EIF4ENIF1: variants seen among roughly 807,000 people sequenced by gnomAD.
EIF4ENIF1 encodes the protein eukaryotic translation initiation factor 4E nuclear import factor 1.
In EIF4ENIF1, 23 loss-of-function variants were observed where a neutral mutation model predicts 110.5. The observed-to-expected ratio is 0.21, with a 90% CI of 0.15 to 0.29. EIF4ENIF1 has a LOEUF of 0.29. EIF4ENIF1 is among the 10% of genes least tolerant of loss of function. EIF4ENIF1 has a pLI of 1.00. For synonymous variants in EIF4ENIF1, 440 were observed against 437.0 expected, an observed-to-expected ratio of 1.01 and a Z score of -0.09; for missense variants, 1,031 against 1,221.1, an observed-to-expected ratio of 0.84 and a Z score of 2.32.
intron 6 of EIF4ENIF1, among the ~76,000 whole-genome samples, chr22:31,461,354 A>G (rs1601601099): frequency 6.6e-6 from 1 of 152,310 alleles, no homozygotes; most frequent in South Asian, 2.1e-4. Context: ...CCCACTCTGC[A>G]GCAGGTACTT....
At chr22:31,464,702 AT>A (rs1569088778) in intron 4 of EIF4ENIF1, among the ~76,000 whole-genome samples, 91 of 77,632 alleles carry the variant, frequency 1.2e-3, no homozygotes, top group African/African-American at 4.1e-3. Context: ...AAAAAAAAAT[AT>A]ATATATATAT....
chr22:31,439,981 C>T lies in EIF4ENIF1; in HGVS notation c.2857G>A (p.Val953Met). The change falls in exon 19 of 19, where the codon GTG becomes ATG. Residue 953 changes from valine (V) to methionine (M), a missense_variant. By Grantham distance (21) the Val-to-Met change is conservative (BLOSUM62 1). Coordinates refer to ENST00000330125, the MANE Select transcript of EIF4ENIF1 (RefSeq NM_019843.4). ...HRPSQRSSSPVGLAKWFGSDV... is the reference protein window; with the variant it reads ...HRPSQRSSSPMGLAKWFGSDV... ...GAGCCAAACCATTTGGCAAGGCCCA[C>T]AGGGGAGCTGCTCCTCTGGCTGGGG... The T allele has an allele frequency of 1.2e-6, 2 of 1,614,058 alleles. No homozygotes were observed. Among genetic ancestry groups the T allele is most frequent in the South Asian group, 2.2e-5 (2 of 91,054 alleles).
At chr22:31,450,844 T>TAC (rs372740127) in intron 10 of EIF4ENIF1, 6,823 of 120,770 alleles carry the variant, frequency 0.056, 186 homozygotes, top group East Asian at 0.093. Flanking sequence ...ATATATATAC[T>TAC]ACACACACAC....
chr22:31,459,113 A>G (rs924191372), intron 6 of EIF4ENIF1, among the ~76,000 whole-genome samples: 1 of 151,982 alleles, frequency 6.6e-6, no homozygotes, highest in African/African-American at 2.4e-5. Context: ...TTTTTTGTAG[A>G]GACTGAGTCT....
downstream of EIF4ENIF1, among the ~76,000 whole-genome samples, chr22:31,438,622 C>CTA (rs1337568525): frequency 6.6e-6 from 1 of 152,130 alleles, no homozygotes; most frequent in Non-Finnish European, 1.5e-5. Context: ...CAAGGCTATG[C>CTA]TATCTATAGG....
chr22:31,447,715 T>A, intron 13 of EIF4ENIF1, 150 bp from the exon 14 acceptor site: 1 of 826,796 alleles, frequency 1.2e-6, no homozygotes, highest in Non-Finnish European at 1.8e-6. Context: ...GCCATCGCAG[T>A]GAACAAGATT....
chr22:31,477,818 T>C (rs1300214802), intron 2 of EIF4ENIF1, among the ~76,000 whole-genome samples: 2 of 152,212 alleles, frequency 1.3e-5, no homozygotes, highest in East Asian at 3.8e-4. Flanking sequence ...GTTGTAAAAG[T>C]GGCAGGGAGT....
At position 31,443,114 on chromosome 22, in the gene EIF4ENIF1, G is replaced by A; in HGVS notation, c.2074-20C>T. ...AGAAAGCTGCAGAGAAAAACAATTG[G>A]CATTAGCACATTCTCTAAGTGCCGT... On this transcript the variant is annotated intron_variant, in intron 15 of 18. Coordinates refer to ENST00000330125, the MANE Select transcript of EIF4ENIF1 (RefSeq NM_019843.4). The A allele has an allele frequency of 6.2e-7, 1 of 1,612,292 alleles. No homozygotes were observed. Among genetic ancestry groups the A allele is most frequent in the South Asian group, 1.1e-5 (1 of 90,960 alleles).
intron 10 of EIF4ENIF1, chr22:31,450,753 C>G (rs2050623662): frequency 3.8e-6 from 1 of 265,604 alleles, no homozygotes; most frequent in African/African-American, 2.2e-5. Flanking sequence ...CATATATACA[C>G]ACATACATAT....
At chr22:31,464,194 AT>A (rs2051095454) in intron 4 of EIF4ENIF1, 3 of 490,538 alleles carry the variant, frequency 6.1e-6, no homozygotes, top group Admixed American at 7.8e-5. Flanking sequence ...ACGATAAATA[AT>A]TTTCCATGAT....
Position 31,463,083 on chromosome 22 carries a change from A to T in EIF4ENIF1, c.636T>A (p.Asp212Glu), listed in dbSNP as rs745643005. 1 of 1,614,204 alleles carries T rather than the reference A, an allele frequency of 6.2e-7. No individual in the cohort carries two copies. The highest frequency in any genetic ancestry group is 1.7e-5 in the Admixed American group (1 of 60,018). Residue 212 changes from aspartate to glutamate, a missense_variant, in exon 6 of 19, where the codon GAT (aspartate) becomes GAA (glutamate). Asp to Glu is a conservative substitution (Grantham distance 45). This residue lies in a region of EIF4ENIF1 where 704 missense variants were observed against 879.7 expected (regional missense o/e 0.80). Coordinates refer to ENST00000330125, the MANE Select transcript of EIF4ENIF1 (RefSeq NM_019843.4). ...KRVFGERRRN[D>E]SYTEEEPEWF... ...ACTCTGGTTCTTCTTCTGTGTAAGA[A>T]TCATTTCTTCTACGCTCACCAAAGA...
At chr22:31,456,640 G>A (rs781710786) in intron 7 of EIF4ENIF1, among the ~76,000 whole-genome samples, 3 of 152,084 alleles carry the variant, frequency 2.0e-5, no homozygotes, top group Non-Finnish European at 2.9e-5. Context: ...TCAGGCTCTC[G>A]AGTAGCTGGG....
intron 3 of EIF4ENIF1, among the ~76,000 whole-genome samples, chr22:31,469,409 G>A (rs999294627): frequency 6.6e-6 from 1 of 152,160 alleles, no homozygotes; most frequent in African/African-American, 2.4e-5. Flanking sequence ...ATGAAGCCAC[G>A]GAATATTTTA....
In EIF4ENIF1 at chr22:31,456,005, A is replaced by G; in HGVS notation, c.964-18T>C. ...TCTATCATCTGAAGAAAAAGACAAT[A>G]AAAACTAATAGTTTCTAGATGAAAA... On this transcript the variant is annotated intron_variant, in intron 7 of 18. Transcript: ENST00000330125. 5 of 1,611,788 alleles carry G rather than the reference A, an allele frequency of 3.1e-6. No individual in the cohort carries two copies. The highest frequency in any genetic ancestry group is 4.2e-6 in the Non-Finnish European group (5 of 1,179,246).
chr22:31,476,927 G>A (rs975281668), intron 2 of EIF4ENIF1, among the ~76,000 whole-genome samples: 1 of 151,092 alleles, frequency 6.6e-6, no homozygotes. Context: ...GAACCTGGGA[G>A]GCAGAGGTTG....
chr22:31,489,533 C>G (rs1244695771), intron 1 of EIF4ENIF1, 161 bp downstream of exon 1: 1 of 149,484 alleles, frequency 6.7e-6, no homozygotes, highest in Non-Finnish European at 1.5e-5. Flanking sequence ...TACCCGCCGG[C>G]CGCCTTGCGG....
intron 4 of EIF4ENIF1, among the ~76,000 whole-genome samples, chr22:31,464,696 A>AAAAT (rs2051119661): frequency 1.2e-5 from 1 of 85,458 alleles, no homozygotes; most frequent in African/African-American, 4.4e-5. Context: ...AAAAAAAAAA[A>AAAAT]AAAATATATA....
intron 6 of EIF4ENIF1, among the ~76,000 whole-genome samples, chr22:31,459,986 CTCACT>C (rs1030997966): frequency 2.6e-5 from 4 of 152,226 alleles, no homozygotes; most frequent in South Asian, 2.1e-4. Context: ...CAGATTTCAC[CTCACT>C]TAAGAAAAAC....
chr22:31,455,455 G>T, intron 8 of EIF4ENIF1, 140 bp from the exon 9 acceptor site: 1 of 721,956 alleles, frequency 1.4e-6, no homozygotes, highest in Non-Finnish European at 2.0e-6. Context: ...CTGGAGTGCA[G>T]TGGCGCAATC....
Sources: gnomAD v4.1 joint callset for allele counts (sites outside exome capture counted in the v4.1 genomes callset) on GRCh38, gnomAD v4.1.1 for gene constraint, gnomAD v4.1.1 regional missense constraint, MANE v1.5 for transcripts, NCBI Gene and HGNC (gene_info 2026-07-23, HGNC 2026-07-21) for gene names.